The following ZNF365 variants were observed in gnomAD, a reference collection of about 807,000 sequenced individuals.
The protein encoded by ZNF365 is protein ZNF365.
ZNF365 carries 22 observed loss-of-function variants against 35.0 expected under a neutral mutation model. The observed-to-expected ratio is 0.63, with a 90% CI of 0.45 to 0.90. The LOEUF (loss-of-function observed/expected upper bound fraction) is 0.90, where lower values mean the gene tolerates loss of function less well. ZNF365 is among the 40% of genes least tolerant of loss of function. The probability of loss-of-function intolerance (pLI) is 0.00; values close to 1 mark genes in which losing one functional copy is unlikely to be tolerated. For missense variants in ZNF365, 448 were observed against 500.3 expected, an observed-to-expected ratio of 0.90 and a Z score of 1.00; for synonymous variants, 188 against 196.2, an observed-to-expected ratio of 0.96 and a Z score of 0.35.
At chr10:62,474,318 A>G (rs1841092553) in intron 4 of ZNF365, among the ~76,000 whole-genome samples, 1 of 152,210 alleles carries the variant, frequency 6.6e-6, no homozygotes, top group Non-Finnish European at 1.5e-5. Flanking sequence ...TGTCTCCACC[A>G]CACTTAGTTT....
In ZNF365 at chr10:62,376,868, C is replaced by A. The variant is rs750714807; in HGVS notation, c.675C>A (p.Ala225=). The change falls in exon 2 of 5, where the codon GCC becomes GCA. Residue 225 remains alanine, a synonymous_variant. Coordinates refer to ENST00000395254, the MANE Select transcript of ZNF365 (RefSeq NM_014951.3). ...ERALNRQVDV[A]VEMIAVLRQR... ...CCTTAAACAGACAGGTGGACGTGGC[C>A]GTGGAAATGATAGCTGTACTGAGGC... The A allele has an allele frequency of 6.2e-7, 1 of 1,613,970 alleles. No homozygotes were observed. Among genetic ancestry groups the A allele is most frequent in the Non-Finnish European group, 8.5e-7 (1 of 1,180,042 alleles).
rs555097604 is a variant in ZNF365, at chr10:62,415,797, G to A, written c.924+27221G>A. Among the ~76,000 whole-genome samples, 4 of 152,210 alleles carry A rather than the reference G, an allele frequency of 2.6e-5. No homozygotes were observed. In the East Asian group the frequency reaches 7.7e-4, roughly 29 times the overall value. ...ACTTTGCTGGTATTTAGTTTTAACA[G>A]CAGTCTGGGAAAGTCTTAAATTGCC... On this transcript the variant is annotated intron_variant, in intron 3 of 4. Transcript: ENST00000395255.
intron 3 of ZNF365, among the ~76,000 whole-genome samples, chr10:62,424,708 T>C (rs1840225099): frequency 1.3e-5 from 2 of 152,192 alleles, no homozygotes; most frequent in South Asian, 4.1e-4. Flanking sequence ...GCTCCAAATA[T>C]AGAATACTGG....
intron 3 of ZNF365, among the ~76,000 whole-genome samples, chr10:62,419,620 A>G (rs1335829264): frequency 6.6e-6 from 1 of 152,106 alleles, no homozygotes; most frequent in African/African-American, 2.4e-5. Flanking sequence ...CGTGGATTTT[A>G]GTGTCTGATG....
At chr10:62,413,433 C>A (rs1310805187) in intron 3 of ZNF365, among the ~76,000 whole-genome samples, 1 of 152,142 alleles carries the variant, frequency 6.6e-6, no homozygotes, top group Non-Finnish European at 1.5e-5. Context: ...CATGCATTAA[C>A]GTCTTCTGCA....
At chr10:62,438,094 T>TGCCTC (rs1840435186) in intron 3 of ZNF365, among the ~76,000 whole-genome samples, 1 of 152,190 alleles carries the variant, frequency 6.6e-6, no homozygotes, top group African/African-American at 2.4e-5. Flanking sequence ...ATTTCATAAA[T>TGCCTC]ATTGAGAGTC....
downstream of ZNF365, among the ~76,000 whole-genome samples, chr10:62,404,002 G>T (rs931107169): frequency 6.6e-6 from 1 of 152,136 alleles, no homozygotes; most frequent in Non-Finnish European, 1.5e-5. Context: ...TTTTTCTTTT[G>T]TGTTCCTTTT....
Position 62,401,123 on chromosome 10 carries a change from AATATATAC to A in ZNF365, c.*1350_*1357del, listed in dbSNP as rs1368132058. ...GAAAACAGGAATAATTTTGTCCACA[AATATATAC>A]ATATATACATATATATAACACATAC... is the stretch of plus-strand genomic sequence containing the variant. On this transcript the variant is annotated 3_prime_UTR_variant, in exon 5 of 5. Transcript: ENST00000395254. 3 of 979,444 alleles carry A rather than the reference AATATATAC, an allele frequency of 3.1e-6. No homozygotes were observed. The highest frequency in any genetic ancestry group is 3.6e-6 in the Non-Finnish European group (3 of 824,568). The allele number at this position is 979,444 out of a possible 1,614,324, so 60.7% of individuals were successfully genotyped here. A position where few individuals can be genotyped will look rare whatever the true frequency, so the allele number is the denominator to read the frequency against.
At chr10:62,376,009 T>C (rs1047097534) in intron 1 of ZNF365, 172 bp from the exon 2 acceptor site, 21 of 624,784 alleles carry the variant, frequency 3.4e-5, no homozygotes, top group Non-Finnish European at 4.7e-5. Flanking sequence ...AATGCAGAAA[T>C]TGATGTGGAT....
chr10:62,428,328 C>CA (rs1271446517), intron 3 of ZNF365, among the ~76,000 whole-genome samples: 1 of 152,156 alleles, frequency 6.6e-6, no homozygotes, highest in African/African-American at 2.4e-5. Flanking sequence ...ATAATCCCCA[C>CA]ATGTTGTGGG....
At chr10:62,442,663 T>C (rs1175062132) in intron 3 of ZNF365, among the ~76,000 whole-genome samples, 1 of 152,234 alleles carries the variant, frequency 6.6e-6, no homozygotes, top group African/African-American at 2.4e-5. Flanking sequence ...ACCTTTGCCC[T>C]GTCTCTTGAA....
intron 3 of ZNF365, among the ~76,000 whole-genome samples, chr10:62,415,699 T>C: frequency 6.6e-6 from 1 of 152,180 alleles, no homozygotes; most frequent in African/African-American, 2.4e-5. Context: ...CTTCTGAAAT[T>C]GGCAGAGGTC....
chr10:62,382,112 G>T (rs924081796), intron 2 of ZNF365, among the ~76,000 whole-genome samples: 6 of 152,148 alleles, frequency 3.9e-5, no homozygotes, highest in African/African-American at 1.4e-4. Context: ...GCCCATTTAG[G>T]TTTTTTTCCA....
At chr10:62,479,862 G>A in intron 4 of ZNF365, 2 of 1,593,338 alleles carry the variant, frequency 1.3e-6, no homozygotes, top group Non-Finnish European at 1.7e-6. Flanking sequence ...TTTCCTTTTG[G>A]CTTTTATGAC....
chr10:62,467,771 G>C (rs1840968199), intron 4 of ZNF365, among the ~76,000 whole-genome samples: 1 of 152,216 alleles, frequency 6.6e-6, no homozygotes, highest in South Asian at 2.1e-4. Context: ...CATGCTTCAA[G>C]CCTCTTTGCT....
At chr10:62,451,270 CCTT>C (rs1428059088) in intron 3 of ZNF365, among the ~76,000 whole-genome samples, 11 of 152,130 alleles carry the variant, frequency 7.2e-5, no homozygotes, top group Admixed American at 3.9e-4. Context: ...CATTTTCCAT[CCTT>C]CTTCAATTTT....
At chr10:62,458,972 G>A (rs570691644) in intron 3 of ZNF365, among the ~76,000 whole-genome samples, 67 of 152,220 alleles carry the variant, frequency 4.4e-4, no homozygotes, top group African/African-American at 1.6e-3. Context: ...GTGAAGAATG[G>A]GCCTGGAATA....
chr10:62,418,355 A>G (rs1021022548), intron 3 of ZNF365, among the ~76,000 whole-genome samples: 1 of 152,036 alleles, frequency 6.6e-6, no homozygotes, highest in African/African-American at 2.4e-5. Flanking sequence ...ACAGGTTTGG[A>G]GTTTTTAAAC....
chr10:62,421,093 G>A (rs113628355), intron 3 of ZNF365, among the ~76,000 whole-genome samples: 2,217 of 152,038 alleles, frequency 0.015, 46 homozygotes, highest in African/African-American at 0.046. Context: ...ATTGGCAACC[G>A]ATAGTGGTAG....
Sources: allele counts gnomAD v4.1 joint callset (sites outside exome capture counted in the v4.1 genomes callset), GRCh38; gene constraint gnomAD v4.1.1; transcripts MANE v1.5; gene names NCBI Gene and HGNC (gene_info 2026-07-23, HGNC 2026-07-21).